The following MRPL34 variants were observed in gnomAD, a reference collection of about 807,000 sequenced individuals.
The protein encoded by MRPL34 is mitochondrial ribosomal protein L34, also known as large ribosomal subunit protein bL34m.
In MRPL34, 8 loss-of-function variants were observed where a neutral mutation model predicts 6.7. The observed-to-expected ratio is 1.20, with a 90% CI of 0.70 to 2.16. The LOEUF (loss-of-function observed/expected upper bound fraction) is 2.16, where lower values mean the gene tolerates loss of function less well. MRPL34 is among the 30% of genes most tolerant of loss of function. The probability of loss-of-function intolerance (pLI) is 0.00; values close to 1 mark genes in which losing one functional copy is unlikely to be tolerated. For missense variants in MRPL34, 146 were observed against 125.5 expected (o/e 1.16, Z -0.78); for synonymous variants, 59 against 55.1 (o/e 1.07, Z -0.31).
At chr19:17,294,075 T>C (rs778273992) in intron 1 of MRPL34, among the ~76,000 whole-genome samples, 8 of 152,152 alleles carry the variant, frequency 5.3e-5, no homozygotes, top group Non-Finnish European at 1.2e-4. Flanking sequence ...CCCTGCTTTC[T>C]AGATTCTACT....
upstream of MRPL34, among the ~76,000 whole-genome samples, chr19:17,303,969 C>A (rs923195960): frequency 6.6e-6 from 1 of 152,066 alleles, no homozygotes; most frequent in African/African-American, 2.4e-5. Flanking sequence ...TACGCCCCCC[C>A]CTTTTCTTTT....
chr19:17,303,458 C>T (rs4808621), upstream of MRPL34: 52,945 of 152,296 alleles, frequency 0.35, 10,834 homozygotes, highest in African/African-American at 0.56. Context: ...GAGCCACGTG[C>T]CGACGGGCGG....
intron 1 of MRPL34, among the ~76,000 whole-genome samples, chr19:17,295,063 G>T (rs1246897718): frequency 6.7e-6 from 1 of 148,150 alleles, no homozygotes; most frequent in African/African-American, 2.5e-5. Flanking sequence ...AGCTGAGATT[G>T]CAGGCGCACA....
upstream of MRPL34, among the ~76,000 whole-genome samples, chr19:17,300,680 C>T (rs535644224): frequency 6.6e-6 from 1 of 152,196 alleles, no homozygotes; most frequent in African/African-American, 2.4e-5. Flanking sequence ...GTTTCACCAC[C>T]TTGGCCAGAC....
upstream of MRPL34, among the ~76,000 whole-genome samples, chr19:17,304,648 C>G (rs4808622): frequency 0.35 from 53,565 of 152,064 alleles, 11,200 homozygotes; most frequent in African/African-American, 0.58. Context: ...TAGCAAACAC[C>G]TCTCTGCATG....
chr19:17,301,674 T>G (rs756237719), upstream of MRPL34: 5 of 1,480,210 alleles, frequency 3.4e-6, no homozygotes, highest in East Asian at 1.2e-4. Context: ...ATGAGAACCC[T>G]GCACCGTGCA....
chr19:17,306,104 T>G, intron 1 of MRPL34, 62 bp from the exon 2 acceptor site: 1 of 1,492,972 alleles, frequency 6.7e-7, no homozygotes, highest in Non-Finnish European at 9.0e-7. Flanking sequence ...CTCAGAGAGG[T>G]TGAGCGCCAA....
upstream of MRPL34, among the ~76,000 whole-genome samples, chr19:17,305,368 C>A (rs915272353): frequency 4.0e-5 from 6 of 151,588 alleles, no homozygotes; most frequent in Non-Finnish European, 7.4e-5. Flanking sequence ...CCCAGAGTGG[C>A]GCAGGGACCA....
upstream of MRPL34, chr19:17,300,950 C>A (rs1223479129): frequency 1.2e-6 from 2 of 1,613,496 alleles, no homozygotes; most frequent in South Asian, 1.1e-5. Context: ...GTGTAGGCTG[C>A]GGCCACCTGG....
At chr19:17,292,707 T>C (rs777099060) in exon 1 of MRPL34, 1 of 1,613,252 alleles carries the variant, frequency 6.2e-7, no homozygotes, top group Non-Finnish European at 8.5e-7. Flanking sequence ...CGGTAGAGCC[T>C]TGGGCGAGGG....
upstream of MRPL34, among the ~76,000 whole-genome samples, chr19:17,299,234 A>ACCCC (rs34604672): frequency 2.0e-3 from 252 of 128,824 alleles, 2 homozygotes; most frequent in Middle Eastern, 3.8e-3. Context: ...ACATAATGAG[A>ACCCC]CCCCCCCCCC....
Position 17,295,101 on chromosome 19 carries a change from T to TTTA in MRPL34, c.214+2249_214+2250insATT, listed in dbSNP as rs1379291335. ...ACCACACCCAGGTAATTTTTTTTTT[T>TTTA]TTTTTTTTTTTTTTTGAGACGGAGT... On this transcript the variant is annotated intron_variant, in intron 1 of 2. Transcript: ENST00000595444. 9.6e-5 allele frequency among the ~76,000 whole-genome samples: 13 copies of TTTA among 135,494 alleles called. No individual in the cohort carries two copies. In the South Asian group the frequency reaches 3.1e-3, roughly 32 times the overall value. The allele number at this position is 135,494 out of a possible 152,430, so 88.9% of individuals were successfully genotyped here. A position where few individuals can be genotyped will look rare whatever the true frequency, so the allele number is the denominator to read the frequency against.
At chr19:17,302,916 C>T (rs967594111), upstream of MRPL34, 1 of 152,690 alleles carries the variant, frequency 6.5e-6, no homozygotes, top group African/African-American at 2.4e-5. Context: ...CCCCCTACCC[C>T]AGGTTGGGCG....
chr19:17,300,721 G>A (rs564454930), upstream of MRPL34: 324 of 1,148,032 alleles, frequency 2.8e-4, no homozygotes, highest in Non-Finnish European at 3.7e-4. Context: ...CAGGTGATCC[G>A]CCTGCCTCGG....
rs1599522268 is a variant in MRPL34, at chr19:17,294,609, C to A, written c.214+1755C>A. On this transcript the variant is annotated intron_variant, in intron 1 of 2. Transcript: ENST00000595444. ...CCAGCGGTACAGTCCCCCCTCCCAT[C>A]CAACTCGAGCAGATGCCTGGGTTCG... The A allele has an allele frequency of 2.0e-5, 32 of 1,606,712 alleles. No homozygotes were observed. In the South Asian group the frequency reaches 3.4e-4, roughly 17 times the overall value.
At chr19:17,296,076 C>T (rs2074092805) in intron 1 of MRPL34, 1 of 152,248 alleles carries the variant, frequency 6.6e-6, no homozygotes. Context: ...GATTCTTCCC[C>T]TGGGGTCCAT....
Position 17,305,912 on chromosome 19 carries a change from C to G in MRPL34, c.20C>G (p.Ser7Cys). The G allele has an allele frequency of 6.2e-7, 1 of 1,614,100 alleles. No homozygotes were observed. The highest frequency in any genetic ancestry group is 1.1e-5 in the South Asian group (1 of 91,090). Reference sequence around the variant, plus strand: ...GCGGATATGGCTGTCTTGGCTGGATCCCTGTTGGGCCCCACGAGTAGGTCG... The same window carrying G: ...GCGGATATGGCTGTCTTGGCTGGATGCCTGTTGGGCCCCACGAGTAGGTCG... MAVLAGSLLGPTSRSAA... is the reference protein window; with the variant it reads MAVLAGCLLGPTSRSAA... The change falls in exon 1 of 2, where the codon TCC becomes TGC. Residue 7 changes from serine (S) to cysteine (C), a missense_variant. Coordinates refer to ENST00000252602, the MANE Select transcript of MRPL34 (RefSeq NM_023937.4).
upstream of MRPL34, chr19:17,301,580 G>C: frequency 6.3e-7 from 1 of 1,588,308 alleles, no homozygotes; most frequent in Admixed American, 1.7e-5. Context: ...GTGCCCAGCA[G>C]GCAACAGAAG....
chr19:17,295,072 C>G (rs964304382), intron 1 of MRPL34, among the ~76,000 whole-genome samples: 3 of 150,926 alleles, frequency 2.0e-5, no homozygotes, highest in African/African-American at 7.3e-5. Flanking sequence ...TGCAGGCGCA[C>G]ACCACCACAC....
Sources: allele counts gnomAD v4.1 joint callset (sites outside exome capture counted in the v4.1 genomes callset), GRCh38; gene constraint gnomAD v4.1.1; transcripts MANE v1.5; gene names NCBI Gene and HGNC (gene_info 2026-07-23, HGNC 2026-07-21).